Variants in OLFM1 observed in about 807,000 individuals in gnomAD.
OLFM1 encodes noelin.
OLFM1 carries 9 observed loss-of-function variants against 49.7 expected under a neutral mutation model. That is an observed-to-expected ratio of 0.18 (90% CI 0.11 to 0.32). The LOEUF (loss-of-function observed/expected upper bound fraction) is 0.32, where lower values mean the gene tolerates loss of function less well. Ranked by LOEUF, OLFM1 falls within the 10% of genes least tolerant of loss-of-function variation. The pLI, the probability that OLFM1 is intolerant of heterozygous loss-of-function variation, is 1.00. For synonymous variants in OLFM1, 240 were observed against 271.8 expected (o/e 0.88, Z 1.15); for missense variants, 369 against 661.8 (o/e 0.56, Z 4.85).
intron 1 of OLFM1, chr9:135,076,670 C>G (rs1378032469): frequency 2.1e-5 from 27 of 1,279,178 alleles, no homozygotes; most frequent in Middle Eastern, 2.8e-4. Context: ...TTCAATGATG[C>G]CACTGTGCCA....
chr9:135,082,982 T>G (rs570389580), upstream of OLFM1, among the ~76,000 whole-genome samples: 3 of 152,282 alleles, frequency 2.0e-5, no homozygotes, highest in African/African-American at 7.2e-5. Context: ...AAGCAAATGG[T>G]GCCACCTGGG....
At chr9:135,118,202 C>T (rs527292625) in intron 5 of OLFM1, among the ~76,000 whole-genome samples, 48 of 152,338 alleles carry the variant, frequency 3.2e-4, no homozygotes, top group African/African-American at 9.6e-4. Context: ...TGGAAGTGCT[C>T]GCCGGGTCTT....
intron 1 of OLFM1, chr9:135,076,727 A>G: frequency 6.9e-7 from 1 of 1,448,182 alleles, no homozygotes; most frequent in Non-Finnish European, 9.1e-7. Flanking sequence ...CAAGTCCAGG[A>G]AGTGATGGGC....
rs568224369 is a variant in OLFM1 at position 135,113,380 on chromosome 9, C to G, written c.784-6124C>G. ...ATGAGCTCCAGCAGGCTCTGAGGGC[C>G]GTGTCTAGCCTACCCAGAACCACCA... On this transcript the variant is annotated intron_variant, in intron 5 of 5. Coordinates refer to ENST00000371793, the MANE Select transcript of OLFM1 (RefSeq NM_001282611.2). The surrounding 1 kb of genome is among the most constrained non-coding windows in gnomAD (Gnocchi z 4.0). 6.6e-6 allele frequency among the ~76,000 whole-genome samples: 1 copy of G among 152,098 alleles called. No individual in the cohort carries two copies. Among genetic ancestry groups the G allele is most frequent in the Non-Finnish European group, 1.5e-5 (1 of 68,024 alleles).
At position 135,088,765 on chromosome 9, in the gene OLFM1, G is replaced by A. The variant is rs1244429883; in HGVS notation, c.150+626G>A. Among the ~76,000 whole-genome samples, 1 of 152,194 alleles carries A rather than the reference G, an allele frequency of 6.6e-6. No individual in the cohort carries two copies. The highest frequency in any genetic ancestry group is 1.5e-5 in the Non-Finnish European group (1 of 68,034). On this transcript the variant is annotated intron_variant, in intron 1 of 5. Coordinates refer to ENST00000371793, the MANE Select transcript of OLFM1 (RefSeq NM_001282611.2). This position sits in a 1 kb window ranked among gnomAD's most constrained non-coding sequence, Gnocchi z 4.8. ...CCGAGGACGGTGCCGAGGGGCTTGG[G>A]TGGGGCCCCTGGGAGCCTGCCCTTG... is the stretch of plus-strand genomic sequence containing the variant.
At chr9:135,110,348 G>C (rs1381586146) in intron 5 of OLFM1, among the ~76,000 whole-genome samples, 1 of 152,082 alleles carries the variant, frequency 6.6e-6, no homozygotes, top group African/African-American at 2.4e-5. Flanking sequence ...GCTCACATCA[G>C]ACACCAGACA....
chr9:135,081,841 A>G (rs1830536481), intron 1 of OLFM1, among the ~76,000 whole-genome samples: 1 of 152,016 alleles, frequency 6.6e-6, no homozygotes, highest in Non-Finnish European at 1.5e-5. Flanking sequence ...GAGGCTCTAA[A>G]CTGCCCGACA....
At chr9:135,085,996 C>T (rs1357088217), upstream of OLFM1, among the ~76,000 whole-genome samples, 1 of 152,228 alleles carries the variant, frequency 6.6e-6, no homozygotes, top group Admixed American at 6.5e-5. Context: ...TCTGAGATGG[C>T]CTGACAGTTT....
At chr9:135,092,187 A>C (rs1429575365) in intron 2 of OLFM1, among the ~76,000 whole-genome samples, 1 of 152,202 alleles carries the variant, frequency 6.6e-6, no homozygotes, top group Non-Finnish European at 1.5e-5. Flanking sequence ...AACCCTCAGG[A>C]AGCTCGAGAC....
rs1400029518 is a variant in OLFM1 at position 135,088,408 on chromosome 9, G to C, written c.150+269G>C. 2.0e-5 allele frequency among the ~76,000 whole-genome samples: 3 copies of C among 151,952 alleles called. No homozygotes were observed. ...CGTCTGGGCCCCTCGCCGCGGGGCC[G>C]GGGGAGCTTGGTGGGTTCTCGGAGG... On this transcript the variant is annotated intron_variant, in intron 1 of 5. Coordinates refer to ENST00000371793, the MANE Select transcript of OLFM1 (RefSeq NM_001282611.2). The surrounding 1 kb of genome is among the most constrained non-coding windows in gnomAD (Gnocchi z 4.8).
In OLFM1 at chr9:135,088,253, GA is replaced by G. The variant is rs1474162674; in HGVS notation, c.150+115del. 28 of 1,036,172 alleles carry G rather than the reference GA, an allele frequency of 2.7e-5. No individual in the cohort carries two copies. Among genetic ancestry groups the G allele is most frequent in the Non-Finnish European group, 3.4e-5 (28 of 819,274 alleles). 64.2% of individuals were successfully genotyped at this position (1,036,172 alleles called of 1,614,324 possible). On this transcript the variant is annotated intron_variant, in intron 1 of 5. Transcript: ENST00000371793. The surrounding 1 kb of genome is among the most constrained non-coding windows in gnomAD (Gnocchi z 4.8). ...CCGCGCGGGACCCGAGTCGCCCAGG[GA>G]GGCGGCGGGGAGCAGGGCGGGCAAG...
intron 2 of OLFM1, among the ~76,000 whole-genome samples, chr9:135,092,570 A>T (rs954855736): frequency 3.3e-5 from 5 of 152,258 alleles, no homozygotes. Context: ...GGGAGGCGGC[A>T]CTTGGAGGGG....
chr9:135,078,687 G>A (rs1830497312), intron 1 of OLFM1, among the ~76,000 whole-genome samples: 1 of 152,238 alleles, frequency 6.6e-6, no homozygotes, highest in African/African-American at 2.4e-5. Flanking sequence ...TTGATCTCTG[G>A]GCCTTGGGGA....
chr9:135,096,101 T>G, intron 3 of OLFM1, 82 bp downstream of exon 3: 1 of 21,504 alleles, frequency 4.7e-5, no homozygotes, highest in Non-Finnish European at 7.4e-5. Flanking sequence ...CCTCTCCTCC[T>G]TCTCTTCTTC....
At chr9:135,116,206 C>T (rs1179010397) in intron 5 of OLFM1, among the ~76,000 whole-genome samples, 1 of 152,132 alleles carries the variant, frequency 6.6e-6, no homozygotes, top group African/African-American at 2.4e-5. Flanking sequence ...CTCCTTATCC[C>T]AAGGCCTGTG....
rs1208887588 is a variant in OLFM1, at chr9:135,091,652, G to GTC, written c.300+1309_300+1310dup. Among the ~76,000 whole-genome samples the GTC allele has an allele frequency of 2.1e-3, 56 of 27,060 alleles. 2 individuals carry two copies. The highest frequency in any genetic ancestry group is 0.014 in the South Asian group (10 of 734). 17.8% of individuals were successfully genotyped at this position (27,060 alleles called of 152,430 possible). A position where few individuals can be genotyped will look rare whatever the true frequency, so the allele number is the denominator to read the frequency against. On this transcript the variant is annotated intron_variant, in intron 2 of 5. Coordinates refer to ENST00000371793, the MANE Select transcript of OLFM1 (RefSeq NM_001282611.2). ...TCACATAGTCACACACACTCACATA[G>GTC]TCACACACACACAGTCACACACTCA...
At position 135,077,044 on chromosome 9, in the gene OLFM1, T is replaced by C. The variant is rs528427094; in HGVS notation, c.96+1242T>C. 7.0e-4 allele frequency: 1,062 copies of C among 1,527,434 alleles called. 3 individuals are homozygous for C. The African/African-American group carries it at 0.013, about 19-fold the overall frequency. The allele number at this position is 1,527,434 out of a possible 1,614,324, so 94.6% of individuals were successfully genotyped here. A position where few individuals can be genotyped will look rare whatever the true frequency, so the allele number is the denominator to read the frequency against. The stretch of plus-strand genomic sequence containing the variant: ...GCCCAGACGATCAGCCAGTCCCTCC[T>C]GGAGAGGTTCTGCATGGCCTCTAGG... On this transcript the variant is annotated intron_variant, in intron 1 of 5. Coordinates refer to the OLFM1 transcript ENST00000252854.
At chr9:135,077,304 T>C in intron 1 of OLFM1, 1 of 1,425,044 alleles carries the variant, frequency 7.0e-7, no homozygotes, top group South Asian at 1.6e-5. Flanking sequence ...TGGGTGGTCC[T>C]GGACATGGCC....
chr9:135,088,155 G>A lies in OLFM1; in HGVS notation c.150+16G>A. 2.3e-6 allele frequency: 3 copies of A among 1,321,170 alleles called. No individual in the cohort carries two copies. Among genetic ancestry groups the A allele is most frequent in the South Asian group, 4.0e-5 (2 of 50,382 alleles). 81.8% of individuals were successfully genotyped at this position (1,321,170 alleles called of 1,614,324 possible). On this transcript the variant is annotated intron_variant, in intron 1 of 5. Transcript: ENST00000371793. This position sits in a 1 kb window ranked among gnomAD's most constrained non-coding sequence, Gnocchi z 4.8. Reference sequence around the variant, plus strand: ...CAGCACCGGCGTAAGTGCGCCCGCCGGCCGCCTTGGCGCGGCTCCTCCTCC... The same window carrying A: ...CAGCACCGGCGTAAGTGCGCCCGCCAGCCGCCTTGGCGCGGCTCCTCCTCC...
Sources: gnomAD v4.1 joint callset for allele counts (sites outside exome capture counted in the v4.1 genomes callset) on GRCh38, gnomAD v4.1.1 for gene constraint, Gnocchi (gnomAD v3.1) non-coding constraint, MANE v1.5 for transcripts, NCBI Gene and HGNC (gene_info 2026-07-23, HGNC 2026-07-21) for gene names.